Variants in TNFAIP8 observed in about 807,000 individuals in gnomAD.
The protein encoded by TNFAIP8 is TNF alpha induced protein 8, also known as tumor necrosis factor alpha-induced protein 8.
A neutral mutation model predicts 13.3 loss-of-function variants in TNFAIP8; 7 were observed. The ratio of observed to expected loss-of-function variants is 0.52; its 90% CI spans 0.30 to 0.99. The LOEUF is 0.99. Ranked by LOEUF, TNFAIP8 falls within the 50% of genes least tolerant of loss-of-function variation. TNFAIP8 has a pLI of 0.07. For synonymous variants in TNFAIP8, 94 were observed against 87.6 expected, an observed-to-expected ratio of 1.07 and a Z score of -0.41; for missense variants, 258 against 236.9, an observed-to-expected ratio of 1.09 and a Z score of -0.58.
chr5:119,270,254 A>G (rs563114431), intron 1 of TNFAIP8, among the ~76,000 whole-genome samples: 60 of 152,280 alleles, frequency 3.9e-4, no homozygotes, highest in Non-Finnish European at 7.6e-4. Flanking sequence ...CCTGTATTAC[A>G]CAGAAGTGTT....
At chr5:119,365,039 A>G (rs1309109227) in intron 1 of TNFAIP8, among the ~76,000 whole-genome samples, 1 of 151,796 alleles carries the variant, frequency 6.6e-6, no homozygotes, top group East Asian at 1.9e-4. Flanking sequence ...TTTAGTAAAG[A>G]TGAAGTTTCA....
intron 1 of TNFAIP8, among the ~76,000 whole-genome samples, chr5:119,388,798 AT>A (rs1184704547): frequency 0.13 from 18,269 of 140,502 alleles, 1,384 homozygotes; most frequent in African/African-American, 0.23. Flanking sequence ...ATGCCCAGCT[AT>A]TTTTTTTTTT....
intron 1 of TNFAIP8, among the ~76,000 whole-genome samples, chr5:119,350,666 C>G (rs569980959): frequency 6.6e-6 from 1 of 152,148 alleles, no homozygotes; most frequent in African/African-American, 2.4e-5. Flanking sequence ...TGCTCATCTC[C>G]GATGTCAGCA....
chr5:119,323,711 G>C (rs1248219996), intron 1 of TNFAIP8, among the ~76,000 whole-genome samples: 1 of 152,128 alleles, frequency 6.6e-6, no homozygotes, highest in Non-Finnish European at 1.5e-5. Flanking sequence ...CTTTGGCTGA[G>C]TGCTGAGCTT....
intron 1 of TNFAIP8, among the ~76,000 whole-genome samples, chr5:119,295,848 C>A (rs2112639982): frequency 6.6e-6 from 1 of 152,102 alleles, no homozygotes; most frequent in East Asian, 1.9e-4. Context: ...TCCTTCACGT[C>A]CCTTGTAAGT....
intron 1 of TNFAIP8, among the ~76,000 whole-genome samples, chr5:119,367,457 CAA>C (rs1318852144): frequency 6.6e-6 from 1 of 152,180 alleles, no homozygotes; most frequent in African/African-American, 2.4e-5. Context: ...AACCTACCAG[CAA>C]AAGTGTCTCA....
At chr5:119,268,826 A>C (rs1748168744) in exon 1 of TNFAIP8, 1 of 701,232 alleles carries the variant, frequency 1.4e-6, no homozygotes, top group Non-Finnish European at 2.6e-6. Flanking sequence ...CCCGTGAGCC[A>C]CCGAGAGAGC....
At chr5:119,388,941 G>A (rs1752787408) in intron 1 of TNFAIP8, among the ~76,000 whole-genome samples, 1 of 152,058 alleles carries the variant, frequency 6.6e-6, no homozygotes, top group Non-Finnish European at 1.5e-5. Flanking sequence ...ACTGCGCCCG[G>A]CCCCATTTGC....
intron 1 of TNFAIP8, among the ~76,000 whole-genome samples, chr5:119,276,045 A>G (rs1158756288): frequency 6.6e-6 from 1 of 152,024 alleles, no homozygotes; most frequent in Non-Finnish European, 1.5e-5. Flanking sequence ...GCAGAGGATT[A>G]ACCACCCAAG....
chr5:119,277,023 A>G (rs1158864955), intron 1 of TNFAIP8, among the ~76,000 whole-genome samples: 1 of 152,254 alleles, frequency 6.6e-6, no homozygotes, highest in Non-Finnish European at 1.5e-5. Context: ...GAGATTAACC[A>G]TAATACCGAA....
At chr5:119,336,130 G>A (rs1475781473) in intron 1 of TNFAIP8, among the ~76,000 whole-genome samples, 1 of 152,174 alleles carries the variant, frequency 6.6e-6, no homozygotes. Flanking sequence ...TGAGGGGCTA[G>A]ATGGTGGGAC....
At chr5:119,326,184 G>A (rs538839221) in intron 1 of TNFAIP8, among the ~76,000 whole-genome samples, 149 of 152,318 alleles carry the variant, frequency 9.8e-4, no homozygotes, top group African/African-American at 3.4e-3. Flanking sequence ...TCACCCTGTC[G>A]TTTAGGAATG....
At chr5:119,357,834 A>C (rs1242294930) in intron 1 of TNFAIP8, among the ~76,000 whole-genome samples, 1 of 152,114 alleles carries the variant, frequency 6.6e-6, no homozygotes. Context: ...TTTTAAATTG[A>C]TAGCAATTAG....
chr5:119,286,165 A>G (rs1748770672), intron 1 of TNFAIP8, among the ~76,000 whole-genome samples: 1 of 152,228 alleles, frequency 6.6e-6, no homozygotes, highest in Non-Finnish European at 1.5e-5. Context: ...TAAAAAGTGC[A>G]TGCTGAGAAA....
In TNFAIP8 at chr5:119,393,718, A is replaced by G; in HGVS notation, c.*337A>G. The G allele has an allele frequency of 4.1e-6, 1 of 243,092 alleles. No individual in the cohort carries two copies. Among genetic ancestry groups the G allele is most frequent in the Non-Finnish European group, 8.0e-6 (1 of 124,388 alleles). The allele number at this position is 243,092 out of a possible 1,614,324, so 15.1% of individuals were successfully genotyped here. On this transcript the variant is annotated 3_prime_UTR_variant, in exon 2 of 2. Coordinates refer to ENST00000504771, the MANE Select transcript of TNFAIP8 (RefSeq NM_014350.4). Reference sequence around the variant, plus strand: ...AGTTGTTGTGTTGGTGGCACATTGGATATTTCTAACATGTACAAAGCTATG... The same window carrying G: ...AGTTGTTGTGTTGGTGGCACATTGGGTATTTCTAACATGTACAAAGCTATG...
At chr5:119,352,586 G>T (rs377561401), upstream of TNFAIP8, among the ~76,000 whole-genome samples, 70 of 152,308 alleles carry the variant, frequency 4.6e-4, 3 homozygotes, top group South Asian at 0.014. Context: ...AAGGTACCTT[G>T]TCTTCCCAGT....
chr5:119,366,457 C>T (rs1157046535), intron 1 of TNFAIP8, among the ~76,000 whole-genome samples: 8 of 152,122 alleles, frequency 5.3e-5, no homozygotes, highest in African/African-American at 1.4e-4. Context: ...TGGGGCCAGT[C>T]GGAAGCCAGG....
intron 1 of TNFAIP8, among the ~76,000 whole-genome samples, chr5:119,328,184 A>G (rs750225459): frequency 6.6e-6 from 1 of 152,224 alleles, no homozygotes; most frequent in Non-Finnish European, 1.5e-5. Flanking sequence ...ATGTAAATTT[A>G]TAGAGCAGAA....
At chr5:119,333,254 A>G in intron 1 of TNFAIP8, 1 of 1,054,600 alleles carries the variant, frequency 9.5e-7, no homozygotes, top group Non-Finnish European at 1.1e-6. Context: ...GAGCAAGTGC[A>G]GGCAGCAACC....
Sources: gnomAD v4.1 joint callset for allele counts (sites outside exome capture counted in the v4.1 genomes callset) on GRCh38, gnomAD v4.1.1 for gene constraint, MANE v1.5 for transcripts, NCBI Gene and HGNC (gene_info 2026-07-23, HGNC 2026-07-21) for gene names.